Variants in NUP153 observed in about 807,000 individuals in gnomAD.
NUP153 encodes the protein nuclear pore complex protein Nup153.
NUP153 carries 27 observed loss-of-function variants against 134.6 expected under a neutral mutation model. That is an observed-to-expected ratio of 0.20 (90% CI 0.15 to 0.28). The LOEUF (loss-of-function observed/expected upper bound fraction) is 0.28, where lower values mean the gene tolerates loss of function less well. NUP153 is among the 10% of genes least tolerant of loss of function. The probability of loss-of-function intolerance (pLI) is 1.00; values close to 1 mark genes in which losing one functional copy is unlikely to be tolerated. For missense variants in NUP153, 1,821 were observed against 1,731.3 expected (o/e 1.05, Z -0.92); for synonymous variants, 640 against 623.5 (o/e 1.03, Z -0.40).
intron 1 of NUP153, among the ~76,000 whole-genome samples, chr6:17,701,093 C>T (rs1203058750): frequency 6.6e-6 from 1 of 151,946 alleles, no homozygotes; most frequent in Non-Finnish European, 1.5e-5. Context: ...GGAGTGGTGG[C>T]GCATGCCTGT....
At chr6:17,699,494 A>G (rs1054076159) in intron 1 of NUP153, among the ~76,000 whole-genome samples, 1 of 151,414 alleles carries the variant, frequency 6.6e-6, no homozygotes, top group African/African-American at 2.4e-5. Flanking sequence ...AAAAAAAAAA[A>G]AAAGAAAATA....
chr6:17,703,258 G>C (rs1377087133), intron 1 of NUP153, among the ~76,000 whole-genome samples: 2 of 150,150 alleles, frequency 1.3e-5, no homozygotes, highest in African/African-American at 4.9e-5. Flanking sequence ...TAAACTTACA[G>C]CATTTCCCAG....
chr6:17,655,354 CATA>C (rs2113807292), intron 11 of NUP153, among the ~76,000 whole-genome samples: 1 of 152,242 alleles, frequency 6.6e-6, no homozygotes, highest in South Asian at 2.1e-4. Flanking sequence ...AATCAGTTAG[CATA>C]ATGTGTTTAC....
intron 5 of NUP153, among the ~76,000 whole-genome samples, chr6:17,673,034 T>TAC (rs1185436569): frequency 1.3e-5 from 2 of 151,892 alleles, no homozygotes; most frequent in Non-Finnish European, 2.9e-5. Context: ...CCATTAAGAA[T>TAC]ACACACACAC....
At chr6:17,655,887 CA>C (rs1766784889) in intron 11 of NUP153, among the ~76,000 whole-genome samples, 2 of 152,122 alleles carry the variant, frequency 1.3e-5, no homozygotes, top group Admixed American at 6.6e-5. Context: ...ATTGTGTATC[CA>C]AACCTATTCT....
chr6:17,692,591 A>G (rs1296256429), intron 1 of NUP153, among the ~76,000 whole-genome samples: 1 of 152,226 alleles, frequency 6.6e-6, no homozygotes, highest in Non-Finnish European at 1.5e-5. Flanking sequence ...ACCAGTATGA[A>G]GGAACAAACA....
chr6:17,616,278 C>A (rs1157015732), intron 21 of NUP153, 97 bp from the exon 22 acceptor site: 22 of 253,662 alleles, frequency 8.7e-5, no homozygotes, highest in South Asian at 4.2e-4. Flanking sequence ...TAAGGGGGGT[C>A]GGGTGGGGGG....
At chr6:17,630,053 C>A (rs1484789695) in intron 17 of NUP153, among the ~76,000 whole-genome samples, 4 of 152,108 alleles carry the variant, frequency 2.6e-5, no homozygotes, top group Non-Finnish European at 5.9e-5. Context: ...CTGATAAAAT[C>A]AAAGGGGCAG....
intron 12 of NUP153, among the ~76,000 whole-genome samples, chr6:17,648,265 T>C (rs548489929): frequency 5.3e-5 from 8 of 152,246 alleles, no homozygotes; most frequent in Admixed American, 1.3e-4. Flanking sequence ...ACAGAGGGAA[T>C]TGCTTGAACG....
chr6:17,626,199 C>T (rs1764940563), intron 18 of NUP153, 35 bp from the exon 19 acceptor site: 2 of 1,521,588 alleles, frequency 1.3e-6, no homozygotes, highest in Non-Finnish European at 1.8e-6. Flanking sequence ...AACATAAATC[C>T]TTAAGAATAG....
intron 1 of NUP153, among the ~76,000 whole-genome samples, chr6:17,704,665 G>T (rs559181747): frequency 1.3e-5 from 2 of 148,778 alleles, no homozygotes; most frequent in Non-Finnish European, 3.0e-5. Flanking sequence ...GAAAATACCT[G>T]AACCACAATT....
chr6:17,624,853 C>T lies in NUP153; in HGVS notation c.3902-20G>A, dbSNP rs764168929. On this transcript the variant is annotated intron_variant, in intron 19 of 21. Coordinates refer to ENST00000262077, the MANE Select transcript of NUP153 (RefSeq NM_005124.4). ...AGGATCCTGGAGGCCCAAAGAAACA[C>T]TTAAGTCACCATGGTGGCTAATGTC... 10 of 1,554,870 alleles carry T rather than the reference C, an allele frequency of 6.4e-6. No individual in the cohort carries two copies. Among genetic ancestry groups the T allele is most frequent in the Non-Finnish European group, 8.7e-6 (10 of 1,149,428 alleles).
At chr6:17,630,774 G>GAGGAGAGAAGAGAGAAGAC (rs1177872937) in intron 17 of NUP153, among the ~76,000 whole-genome samples, 19 of 150,852 alleles carry the variant, frequency 1.3e-4, no homozygotes, top group African/African-American at 3.9e-4. Flanking sequence ...GGAGAGGGGA[G>GAGGAGAGAAGAGAGAAGAC]AGGAGAGAAG....
At chr6:17,666,243 G>A (rs1156993215) in intron 8 of NUP153, among the ~76,000 whole-genome samples, 1 of 152,108 alleles carries the variant, frequency 6.6e-6, no homozygotes, top group Non-Finnish European at 1.5e-5. Flanking sequence ...TGGGCCAGGC[G>A]TGGTGGCTCA....
At chr6:17,701,832 CGGGG>C (rs59685451) in intron 1 of NUP153, among the ~76,000 whole-genome samples, 2 of 44,416 alleles carry the variant, frequency 4.5e-5, no homozygotes, top group South Asian at 1.2e-3. Flanking sequence ...GACTCTGTCT[CGGGG>C]GGGGGGGGAA....
rs778376089 is a variant in NUP153, at chr6:17,669,436, A to T, written c.963T>A (p.Pro321=). The change falls in exon 6 of 22, where the codon CCT becomes CCA. Residue 321 remains proline (P), a synonymous_variant. Coordinates refer to ENST00000262077, the MANE Select transcript of NUP153 (RefSeq NM_005124.4). ...ILQSLEKMSS[P]LADAKRIPSI... ...CGTGATTTTAAAAATTTACCGCTAA[A>T]GGGCTTGACATCTTCTCTAAAGACT... is the stretch of plus-strand genomic sequence containing the variant. 9 of 1,612,650 alleles carry T rather than the reference A, an allele frequency of 5.6e-6. No individual in the cohort carries two copies. Among genetic ancestry groups the T allele is most frequent in the Non-Finnish European group, 7.6e-6 (9 of 1,178,654 alleles).
rs1474229046 is a variant in NUP153, at chr6:17,637,141, C to G, written c.2464+12G>C. 6.3e-7 allele frequency: 1 copy of G among 1,592,772 alleles called. No individual in the cohort carries two copies. The highest frequency in any genetic ancestry group is 8.6e-7 in the Non-Finnish European group (1 of 1,166,228). On this transcript the variant is annotated intron_variant, in intron 16 of 21. Coordinates refer to ENST00000262077, the MANE Select transcript of NUP153 (RefSeq NM_005124.4). ...TAATAAGCAAAATTACTCCATAAAGCCAAAAACATACCTGGTTTCTCAGAC... is the reference window on the plus strand; with the variant it reads ...TAATAAGCAAAATTACTCCATAAAGGCAAAAACATACCTGGTTTCTCAGAC...
chr6:17,647,965 C>CA, intron 12 of NUP153, 60 bp from the exon 13 acceptor site: 2 of 1,031,714 alleles, frequency 1.9e-6, no homozygotes, highest in Non-Finnish European at 1.5e-6. Flanking sequence ...AATAAAGTGA[C>CA]AAAAAAGACA....
At chr6:17,671,425 T>C (rs927565349) in intron 5 of NUP153, among the ~76,000 whole-genome samples, 78 of 152,314 alleles carry the variant, frequency 5.1e-4, no homozygotes, top group African/African-American at 1.8e-3. Context: ...AGGGAAGCTA[T>C]CTGAGCCTGA....
Sources: allele counts gnomAD v4.1 joint callset (sites outside exome capture counted in the v4.1 genomes callset), GRCh38; gene constraint gnomAD v4.1.1; transcripts MANE v1.5; gene names NCBI Gene and HGNC (gene_info 2026-07-23, HGNC 2026-07-21).